PRSS23: variants seen among roughly 807,000 people sequenced by gnomAD.
PRSS23 encodes serine protease 23.
A neutral mutation model predicts 34.7 loss-of-function variants in PRSS23; 25 were observed. That is an observed-to-expected ratio of 0.72 (90% CI 0.53 to 1.01). The LOEUF (loss-of-function observed/expected upper bound fraction) is 1.01. PRSS23 is among the 50% of genes least tolerant of loss of function. PRSS23 has a pLI of 0.00. For missense variants in PRSS23, 445 were observed against 475.6 expected (o/e 0.94, Z 0.60); for synonymous variants, 176 against 186.6 (o/e 0.94, Z 0.46).
chr11:86,879,539 A>T (rs1948754712), intron 2 of PRSS23, among the ~76,000 whole-genome samples: 1 of 132,648 alleles, frequency 7.5e-6, no homozygotes, highest in Non-Finnish European at 1.6e-5. Flanking sequence ...CCCGTCCGGG[A>T]GGGAGGTGGG....
chr11:86,952,219 T>C, exon 3 of PRSS23: 1 of 1,614,094 alleles, frequency 6.2e-7, no homozygotes, highest in Non-Finnish European at 8.5e-7. Context: ...AGTGACACTC[T>C]TCCCCAGGCT....
At chr11:86,913,947 G>A (rs1352297991) in intron 2 of PRSS23, among the ~76,000 whole-genome samples, 1 of 146,334 alleles carries the variant, frequency 6.8e-6, no homozygotes, top group Non-Finnish European at 1.5e-5. Flanking sequence ...GCTTATGCCT[G>A]TAATCCAAAT....
In PRSS23 at chr11:86,823,532, G is replaced by T. The variant is rs1050724524; in HGVS notation, c.145G>T (p.Glu49Ter). ...AGGTTCCAGGACCTGGCTAGAAGCA[G>T]AGACACCAGGACAGAAAAGACAGTG... The change falls in exon 2 of 3, where the codon GAG (glutamate) becomes TAG (stop). Residue 49 changes from glutamate (E) to a stop codon, truncating the protein, a stop_gained. Coordinates refer to the PRSS23 transcript ENST00000533902. LOFTEE classifies it high-confidence loss of function. The T allele has an allele frequency of 7.1e-6, 5 of 702,466 alleles. No homozygotes were observed. Among genetic ancestry groups the T allele is most frequent in the African/African-American group, 7.0e-5 (4 of 57,252 alleles). 43.5% of individuals were successfully genotyped at this position (702,466 alleles called of 1,614,324 possible).
intron 2 of PRSS23, among the ~76,000 whole-genome samples, chr11:86,902,785 TTA>T (rs1448947314): frequency 6.6e-6 from 1 of 152,220 alleles, no homozygotes; most frequent in African/African-American, 2.4e-5. Flanking sequence ...TTCAGCTACT[TTA>T]TGTTTTCAAG....
chr11:86,931,663 C>T (rs189331101), intron 2 of PRSS23, among the ~76,000 whole-genome samples: 4 of 152,278 alleles, frequency 2.6e-5, no homozygotes, highest in Admixed American at 6.5e-5. Context: ...GGCAGTTACC[C>T]AGTGTATACA....
chr11:86,848,090 C>G lies in PRSS23; in HGVS notation c.206+24497C>G, dbSNP rs145757607. Among the ~76,000 whole-genome samples, 7 of 152,190 alleles carry G rather than the reference C, an allele frequency of 4.6e-5. No individual in the cohort carries two copies. The East Asian group carries it at 9.6e-4, about 21-fold the overall frequency. On this transcript the variant is annotated intron_variant, in intron 2 of 2. Transcript: ENST00000533902. ...ACAAACAGTAGGAGGAGAATTTGGG[C>G]GCATTCACATGCATGCCCCCTTCTC...
intron 1 of PRSS23, among the ~76,000 whole-genome samples, chr11:86,792,162 A>G (rs1195852413): frequency 6.6e-6 from 1 of 152,136 alleles, no homozygotes; most frequent in African/African-American, 2.4e-5. Context: ...AGACAGCACA[A>G]CCTGACTCCC....
Position 86,807,504 on chromosome 11 carries a change from C to T in PRSS23, c.-13-127C>T, listed in dbSNP as rs549182529. ...ACCGTTATCTAAGGATTCCTCTCCA[C>T]ACCCTGATTCCTGAGGAGTGTTCAA... On this transcript the variant is annotated intron_variant, in intron 1 of 1. Coordinates refer to ENST00000280258, the MANE Select transcript of PRSS23 (RefSeq NM_007173.6). The T allele has an allele frequency of 4.5e-4, 410 of 914,638 alleles. 3 individuals are homozygous for T. The South Asian group carries it at 7.0e-3, about 16-fold the overall frequency. 56.7% of individuals were successfully genotyped at this position (914,638 alleles called of 1,614,324 possible).
Position 86,951,278 on chromosome 11 carries a change from A to G in PRSS23, c.269A>G (p.His90Arg), listed in dbSNP as rs749958709. The change falls in exon 3 of 3, where the codon CAT (histidine) becomes CGT (arginine). Residue 90 changes from histidine (H) to arginine (R), a missense_variant. Coordinates refer to the PRSS23 transcript ENST00000533902. ...AAGAGTTTTGGCAGACCAAATCCAC[A>G]TGCCTGAAGTGATGCCCACCAACAA... is the stretch of plus-strand genomic sequence containing the variant. 5 of 1,614,186 alleles carry G rather than the reference A, an allele frequency of 3.1e-6. No individual in the cohort carries two copies. In the South Asian group the frequency reaches 4.4e-5, roughly 14 times the overall value.
chr11:86,795,703 AC>A (rs1184321502), upstream of PRSS23, among the ~76,000 whole-genome samples: 1 of 152,184 alleles, frequency 6.6e-6, no homozygotes, highest in Non-Finnish European at 1.5e-5. Context: ...CCCTGTGTTG[AC>A]TTTCATTCCA....
upstream of PRSS23, among the ~76,000 whole-genome samples, chr11:86,798,654 C>T (rs1565346827): frequency 6.6e-6 from 1 of 152,096 alleles, no homozygotes; most frequent in Admixed American, 6.5e-5. Context: ...GTTTTATTTG[C>T]GAGTTGTTCA....
At chr11:86,891,882 G>A (rs770606521) in intron 2 of PRSS23, among the ~76,000 whole-genome samples, 4 of 152,080 alleles carry the variant, frequency 2.6e-5, no homozygotes, top group African/African-American at 4.8e-5. Context: ...AATAAGGTGC[G>A]CTTCCCCTTC....
At chr11:86,846,611 G>T (rs1490787856) in intron 2 of PRSS23, among the ~76,000 whole-genome samples, 2 of 152,148 alleles carry the variant, frequency 1.3e-5, no homozygotes, top group Non-Finnish European at 2.9e-5. Context: ...CCCCTGCATG[G>T]GTTAGTGAGC....
At chr11:86,814,209 A>G (rs1342713818), downstream of PRSS23, among the ~76,000 whole-genome samples, 1 of 152,238 alleles carries the variant, frequency 6.6e-6, no homozygotes, top group African/African-American at 2.4e-5. Flanking sequence ...GAAGCTCAGT[A>G]GAAATATCTC....
chr11:86,937,075 C>T (rs1175265577), intron 2 of PRSS23: 1 of 152,160 alleles, frequency 6.6e-6, no homozygotes, highest in Non-Finnish European at 1.5e-5. Context: ...AAGAGCTTTG[C>T]AGCTGCTGGA....
At chr11:86,900,529 AC>A in intron 2 of PRSS23, among the ~76,000 whole-genome samples, 1 of 152,280 alleles carries the variant, frequency 6.6e-6, no homozygotes, top group South Asian at 2.1e-4. Flanking sequence ...AATGAAATCC[AC>A]ATTCTTTACC....
intron 2 of PRSS23, chr11:86,935,841 A>G (rs1200353441): frequency 6.6e-6 from 1 of 152,196 alleles, no homozygotes; most frequent in Admixed American, 6.5e-5. Flanking sequence ...AGGTATATGT[A>G]GCCACTTAGG....
At chr11:86,858,604 G>T (rs1471477303) in intron 2 of PRSS23, among the ~76,000 whole-genome samples, 2 of 151,782 alleles carry the variant, frequency 1.3e-5, no homozygotes, top group Admixed American at 6.6e-5. Context: ...TAAGATCCAG[G>T]GGGGAGAGGA....
At chr11:86,836,082 G>C (rs142517853) in intron 2 of PRSS23, among the ~76,000 whole-genome samples, 1 of 152,264 alleles carries the variant, frequency 6.6e-6, no homozygotes, top group East Asian at 1.9e-4. Flanking sequence ...TAAGGCCCAG[G>C]ACTGTAAACC....
Sources: allele counts gnomAD v4.1 joint callset (sites outside exome capture counted in the v4.1 genomes callset), GRCh38; gene constraint gnomAD v4.1.1; transcripts MANE v1.5; gene names NCBI Gene and HGNC (gene_info 2026-07-23, HGNC 2026-07-21).